The following RIMS2 variants were observed in gnomAD, a reference collection of about 807,000 sequenced individuals.
RIMS2 encodes the protein regulating synaptic membrane exocytosis protein 2.
Under a neutral mutation model 174.4 loss-of-function variants are expected in RIMS2, and 59 were observed. That is an observed-to-expected ratio of 0.34 (90% CI 0.27 to 0.42). RIMS2 has a LOEUF of 0.42. Ranked by LOEUF, RIMS2 falls within the 10% of genes least tolerant of loss-of-function variation. The pLI, the probability that RIMS2 is intolerant of heterozygous loss-of-function variation, is 1.00. For missense variants in RIMS2, 1,620 were observed against 1,666.3 expected (o/e 0.97, Z 0.48); for synonymous variants, 606 against 572.5 (o/e 1.06, Z -0.84).
intron 19 of RIMS2, chr8:104,223,222 C>T (rs2099163926): frequency 1.3e-5 from 3 of 225,186 alleles, no homozygotes; most frequent in Admixed American, 1.3e-4. Context: ...GGCGCGCGCC[C>T]CGGAGCCACC....
chr8:103,741,627 C>G, intron 2 of RIMS2, among the ~76,000 whole-genome samples: 1 of 152,046 alleles, frequency 6.6e-6, no homozygotes, highest in East Asian at 1.9e-4. Context: ...ACTTAACCAT[C>G]CTTTCACTTA....
At chr8:104,001,055 G>A (rs1198551264) in intron 17 of RIMS2, among the ~76,000 whole-genome samples, 1 of 151,802 alleles carries the variant, frequency 6.6e-6, no homozygotes, top group Non-Finnish European at 1.5e-5. Context: ...CTGTACAGAA[G>A]CTTTTCACCT....
chr8:103,827,262 C>T (rs935941488), intron 3 of RIMS2, among the ~76,000 whole-genome samples: 3 of 151,994 alleles, frequency 2.0e-5, no homozygotes, highest in Admixed American at 6.6e-5. Context: ...ACTTCAATAT[C>T]GAGTTGTTTG....
intron 3 of RIMS2, among the ~76,000 whole-genome samples, chr8:103,841,949 C>T (rs183329206): frequency 4.7e-5 from 7 of 150,324 alleles, no homozygotes; most frequent in African/African-American, 1.5e-4. Context: ...AGCGAGACTC[C>T]GTCTCAAAAA....
chr8:104,176,670 CAT>C (rs1264836875), intron 19 of RIMS2, among the ~76,000 whole-genome samples: 18 of 150,566 alleles, frequency 1.2e-4, no homozygotes, highest in African/African-American at 3.9e-4. Context: ...AATATATAAT[CAT>C]ATATTTTCAT....
intron 19 of RIMS2, among the ~76,000 whole-genome samples, chr8:104,077,250 C>G (rs914939883): frequency 1.3e-5 from 2 of 151,778 alleles, no homozygotes; most frequent in South Asian, 2.1e-4. Context: ...GTGGTGGTGA[C>G]GATGATGATA....
At chr8:103,522,247 T>G (rs995602360) in intron 1 of RIMS2, among the ~76,000 whole-genome samples, 2 of 152,140 alleles carry the variant, frequency 1.3e-5, no homozygotes, top group African/African-American at 4.8e-5. Context: ...AGTAAGGGTT[T>G]TACTGCATCT....
intron 1 of RIMS2, among the ~76,000 whole-genome samples, chr8:103,584,502 TA>T (rs1186590426): frequency 5.3e-5 from 8 of 152,068 alleles, no homozygotes; most frequent in Non-Finnish European, 1.0e-4. Context: ...AAAGAGTAAA[TA>T]ATGACACAAT....
intron 19 of RIMS2, among the ~76,000 whole-genome samples, chr8:104,239,732 C>T (rs1038001786): frequency 6.6e-6 from 1 of 152,130 alleles, no homozygotes; most frequent in Non-Finnish European, 1.5e-5. Flanking sequence ...TTTTATATTA[C>T]AGTATAACAA....
At chr8:103,970,448 T>C (rs1379513015) in intron 15 of RIMS2, among the ~76,000 whole-genome samples, 5 of 152,170 alleles carry the variant, frequency 3.3e-5, no homozygotes, top group Admixed American at 1.3e-4. Flanking sequence ...CCTGTTTCCC[T>C]CTCCCTCTTG....
intron 19 of RIMS2, among the ~76,000 whole-genome samples, chr8:104,046,261 A>C (rs377027467): frequency 6.6e-6 from 1 of 151,836 alleles, no homozygotes; most frequent in South Asian, 2.1e-4. Flanking sequence ...GGGGCAATGG[A>C]TCTCTCTTGG....
intron 19 of RIMS2, among the ~76,000 whole-genome samples, chr8:104,130,971 A>G (rs1254820700): frequency 6.6e-6 from 1 of 152,242 alleles, no homozygotes; most frequent in Non-Finnish European, 1.5e-5. Context: ...GGTGAAGTCA[A>G]TGTTACGCAT....
intron 19 of RIMS2, among the ~76,000 whole-genome samples, chr8:104,076,523 T>A (rs1323606678): frequency 2.0e-5 from 3 of 152,180 alleles, no homozygotes; most frequent in Non-Finnish European, 4.4e-5. Flanking sequence ...ATATTATTAA[T>A]AACTATAGCA....
intron 19 of RIMS2, among the ~76,000 whole-genome samples, chr8:104,225,800 A>T (rs1388273649): frequency 6.6e-6 from 1 of 152,174 alleles, no homozygotes; most frequent in East Asian, 1.9e-4. Context: ...AAAGTTAACC[A>T]TACAGTTCTC....
At chr8:103,990,023 C>T (rs2154550405) in intron 17 of RIMS2, among the ~76,000 whole-genome samples, 1 of 152,228 alleles carries the variant, frequency 6.6e-6, no homozygotes, top group East Asian at 1.9e-4. Flanking sequence ...TGGTATGTTA[C>T]AATGCTTACA....
intron 19 of RIMS2, among the ~76,000 whole-genome samples, chr8:104,218,066 C>T (rs952126091): frequency 1.3e-5 from 2 of 152,124 alleles, no homozygotes; most frequent in Admixed American, 6.5e-5. Flanking sequence ...AAACTAATAT[C>T]GTATCTATCT....
At chr8:104,071,937 A>G (rs926782196) in intron 19 of RIMS2, among the ~76,000 whole-genome samples, 4 of 152,228 alleles carry the variant, frequency 2.6e-5, no homozygotes, top group African/African-American at 9.6e-5. Context: ...ATGATCTGAC[A>G]TCTTTATAAG....
chr8:103,721,955 G>C (rs2097454856), intron 2 of RIMS2, among the ~76,000 whole-genome samples: 1 of 152,170 alleles, frequency 6.6e-6, no homozygotes, highest in Non-Finnish European at 1.5e-5. Context: ...GAAGATGGAG[G>C]AGCCGTTTTG....
intron 1 of RIMS2, among the ~76,000 whole-genome samples, chr8:103,538,482 C>T (rs1349397441): frequency 1.4e-5 from 2 of 142,900 alleles, no homozygotes; most frequent in Non-Finnish European, 3.1e-5. Context: ...CCTCGCCCCC[C>T]TCCACTCTTC....
Sources: gnomAD v4.1 joint callset for allele counts (sites outside exome capture counted in the v4.1 genomes callset) on GRCh38, gnomAD v4.1.1 for gene constraint, MANE v1.5 for transcripts, NCBI Gene and HGNC (gene_info 2026-07-23, HGNC 2026-07-21) for gene names.